The following CSMD1 variants were observed in gnomAD, a reference collection of about 807,000 sequenced individuals.
The protein encoded by CSMD1 is CUB and sushi domain-containing protein 1.
Under a neutral mutation model 417.5 loss-of-function variants are expected in CSMD1, and 213 were observed. That is an observed-to-expected ratio of 0.51 (90% confidence interval 0.46 to 0.57). CSMD1 has a LOEUF of 0.57. Among genes scored for constraint, CSMD1 ranks in the 20% least tolerant of loss-of-function variants. CSMD1 has a pLI of 0.00. For missense variants in CSMD1, 6,923 were observed against 4,529.7 expected, an observed-to-expected ratio of 1.53 and a Z score of -15.17; for synonymous variants, 2,862 against 1,736.8, an observed-to-expected ratio of 1.65 and a Z score of -16.11.
At chr8:4,040,106 C>G (rs1292606950) in intron 3 of CSMD1, among the ~76,000 whole-genome samples, 1 of 152,076 alleles carries the variant, frequency 6.6e-6, no homozygotes, top group Admixed American at 6.5e-5. Context: ...TTTAACATAT[C>G]GCAATTTCAG....
intron 4 of CSMD1, among the ~76,000 whole-genome samples, chr8:4,022,108 AATGGATATAGAATATATATAT>A (rs1443338672): frequency 7.8e-6 from 1 of 127,732 alleles, no homozygotes; most frequent in Non-Finnish European, 1.6e-5. Context: ...TATATATATG[AATGGATATAGAATATATATAT>A]ATACATAAAT....
chr8:3,710,790 A>G (rs1294365714), intron 6 of CSMD1, among the ~76,000 whole-genome samples: 1 of 152,150 alleles, frequency 6.6e-6, no homozygotes, highest in Non-Finnish European at 1.5e-5. Context: ...TCATATCAGG[A>G]AGCAAGGCTC....
chr8:3,738,148 T>C lies in CSMD1; in HGVS notation c.931+15782A>G, dbSNP rs908306733. ...ATTTACTAAATACATTTAGTAGACATGTGTAATAAAAATATATGCCCTTTG... is the reference window on the plus strand; with the variant it reads ...ATTTACTAAATACATTTAGTAGACACGTGTAATAAAAATATATGCCCTTTG... On this transcript the variant is annotated intron_variant, in intron 6 of 69. Coordinates refer to ENST00000635120, the MANE Select transcript of CSMD1 (RefSeq NM_033225.6). Among the ~76,000 whole-genome samples the C allele has an allele frequency of 4.6e-5, 7 of 152,206 alleles. No individual in the cohort carries two copies. The East Asian group carries it at 9.6e-4, about 21-fold the overall frequency.
At chr8:3,548,116 A>C (rs1336890942) in intron 10 of CSMD1, among the ~76,000 whole-genome samples, 1 of 152,178 alleles carries the variant, frequency 6.6e-6, no homozygotes, top group African/African-American at 2.4e-5. Context: ...TCAGAAGAGC[A>C]CTGATAATTA....
At chr8:4,159,960 G>C (rs376967150) in intron 3 of CSMD1, among the ~76,000 whole-genome samples, 2 of 151,996 alleles carry the variant, frequency 1.3e-5, no homozygotes, top group Non-Finnish European at 2.9e-5. Context: ...GAGGGGGTGA[G>C]GGATAAAAGA....
chr8:3,402,591 G>T (rs564833857), intron 15 of CSMD1, among the ~76,000 whole-genome samples: 5 of 152,022 alleles, frequency 3.3e-5, no homozygotes, highest in Non-Finnish European at 7.4e-5. Flanking sequence ...AATAACCTAC[G>T]CTTTTAAATA....
intron 5 of CSMD1, among the ~76,000 whole-genome samples, chr8:3,862,039 C>T (rs1261166218): frequency 6.6e-6 from 1 of 152,170 alleles, no homozygotes; most frequent in Non-Finnish European, 1.5e-5. Flanking sequence ...CCAACCATTG[C>T]TTGCTAAATC....
intron 11 of CSMD1, among the ~76,000 whole-genome samples, chr8:3,487,418 G>C (rs972087953): frequency 3.3e-5 from 5 of 152,076 alleles, no homozygotes; most frequent in African/African-American, 1.2e-4. Context: ...AGCCAGGATG[G>C]TCTCGTTCTC....
chr8:3,533,649 T>G (rs1798071337), intron 10 of CSMD1, among the ~76,000 whole-genome samples: 1 of 152,200 alleles, frequency 6.6e-6, no homozygotes, highest in South Asian at 2.1e-4. Context: ...CCAGAGGCTC[T>G]GGGAGGCCCA....
intron 3 of CSMD1, among the ~76,000 whole-genome samples, chr8:4,229,623 G>C (rs1442987005): frequency 6.6e-6 from 1 of 152,066 alleles, no homozygotes; most frequent in African/African-American, 2.4e-5. Context: ...TGCCCTCATA[G>C]TTCACTCCTC....
intron 5 of CSMD1, among the ~76,000 whole-genome samples, chr8:3,838,103 T>C (rs563069405): frequency 6.6e-6 from 1 of 152,108 alleles, no homozygotes; most frequent in East Asian, 1.9e-4. Context: ...AAACTGGAAT[T>C]TCTAACTTGG....
At chr8:4,586,118 G>C (rs528158715) in intron 2 of CSMD1, among the ~76,000 whole-genome samples, 122 of 152,108 alleles carry the variant, frequency 8.0e-4, no homozygotes, top group Non-Finnish European at 1.6e-3. Flanking sequence ...AGGGTAATTG[G>C]CTATCCATCT....
At chr8:4,825,202 A>G (rs189491734) in intron 1 of CSMD1, among the ~76,000 whole-genome samples, 11 of 152,222 alleles carry the variant, frequency 7.2e-5, no homozygotes, top group African/African-American at 2.2e-4. Context: ...GATGTAATCA[A>G]TATTCAAAAT....
At chr8:4,876,739 C>G (rs946630148) in intron 1 of CSMD1, among the ~76,000 whole-genome samples, 2 of 152,022 alleles carry the variant, frequency 1.3e-5, no homozygotes, top group African/African-American at 4.8e-5. Flanking sequence ...TTCTTGTGTG[C>G]TGAGTGTACC....
chr8:4,182,408 T>C (rs1174960404), intron 3 of CSMD1, among the ~76,000 whole-genome samples: 3 of 152,152 alleles, frequency 2.0e-5, no homozygotes, highest in African/African-American at 7.2e-5. Flanking sequence ...GATCAGTAAA[T>C]GCTGAACCTG....
intron 1 of CSMD1, among the ~76,000 whole-genome samples, chr8:4,648,174 G>C (rs1049570167): frequency 2.3e-4 from 35 of 152,170 alleles, no homozygotes; most frequent in African/African-American, 8.2e-4. Context: ...CAGTGATGTT[G>C]AGCTTTCTTT....
At position 4,189,570 on chromosome 8, in the gene CSMD1, T is replaced by C. The variant is rs577517948; in HGVS notation, c.416-157471A>G. Among the ~76,000 whole-genome samples the C allele has an allele frequency of 1.6e-4, 24 of 152,326 alleles. No homozygotes were observed. The South Asian group carries it at 1.7e-3, about 11-fold the overall frequency. On this transcript the variant is annotated intron_variant, in intron 3 of 69. Transcript: ENST00000635120. ...ATCAATTATCCCTCCAAAATGTTGA[T>C]ATATGCATGATACTATGTTAGTTGA...
chr8:3,104,542 CA>C (rs201566928), intron 46 of CSMD1, among the ~76,000 whole-genome samples: 71 of 147,984 alleles, frequency 4.8e-4, no homozygotes, highest in Middle Eastern at 3.4e-3. Context: ...AATATTTTTT[CA>C]AAAAAAAAAT....
intron 3 of CSMD1, among the ~76,000 whole-genome samples, chr8:4,192,664 T>G (rs1799098541): frequency 6.6e-6 from 1 of 152,182 alleles, no homozygotes; most frequent in African/African-American, 2.4e-5. Flanking sequence ...AGAAAAACCT[T>G]AAATCTGCAC....
Sources: allele counts gnomAD v4.1 joint callset (sites outside exome capture counted in the v4.1 genomes callset), GRCh38; gene constraint gnomAD v4.1.1; transcripts MANE v1.5; gene names NCBI Gene and HGNC (gene_info 2026-07-23, HGNC 2026-07-21).